The following PTAR1 variants were observed in gnomAD, a reference collection of about 807,000 sequenced individuals.
PTAR1 encodes protein prenyltransferase alpha subunit repeat containing 1, also known as protein prenyltransferase alpha subunit repeat-containing protein 1.
In PTAR1, 17 loss-of-function variants were observed where a neutral mutation model predicts 45.5. The observed-to-expected ratio is 0.37, with a 90% CI of 0.26 to 0.56. The LOEUF (loss-of-function observed/expected upper bound fraction) is 0.56, where lower values mean the gene tolerates loss of function less well. Ranked by LOEUF, PTAR1 falls within the 20% of genes least tolerant of loss-of-function variation. The pLI, the probability that PTAR1 is intolerant of heterozygous loss-of-function variation, is 0.77. For missense variants in PTAR1, 391 were observed against 476.3 expected (o/e 0.82, Z 1.67); for synonymous variants, 169 against 171.3 (o/e 0.99, Z 0.11).
intron 1 of PTAR1, chr9:69,758,847 A>T (rs1255352737): frequency 2.7e-5 from 2 of 74,796 alleles, no homozygotes; most frequent in East Asian, 7.6e-4. Flanking sequence ...ATAATAATAA[A>T]AAATAATAAA....
intron 5 of PTAR1, among the ~76,000 whole-genome samples, chr9:69,731,753 C>T (rs954032186): frequency 6.9e-6 from 1 of 144,340 alleles, no homozygotes; most frequent in Non-Finnish European, 1.6e-5. Context: ...TTTCAGAGGA[C>T]GAGAGTGTGA....
In PTAR1 at chr9:69,712,953, A is replaced by G. The variant is rs1824582234; in HGVS notation, c.*5389T>C. On this transcript the variant is annotated 3_prime_UTR_variant, in exon 8 of 8. Coordinates refer to ENST00000340434, the MANE Select transcript of PTAR1 (RefSeq NM_001099666.2). ...TAATAGTTTATAAAAAATACGATCT[A>G]TACTAAAATTTAAGAGCTAATAATA... is the stretch of plus-strand genomic sequence containing the variant. 6.6e-6 allele frequency: 1 copy of G among 152,110 alleles called. No individual in the cohort carries two copies. The highest frequency in any genetic ancestry group is 1.5e-5 in the Non-Finnish European group (1 of 67,998). 9.4% of individuals were successfully genotyped at this position (152,110 alleles called of 1,614,324 possible). A position where few individuals can be genotyped will look rare whatever the true frequency, so the allele number is the denominator to read the frequency against.
At position 69,713,928 on chromosome 9, in the gene PTAR1, C is replaced by T. The variant is rs984644001; in HGVS notation, c.*4414G>A. ...AATAAATAAAACAATGGGCCACAAT[C>T]AACTGTTTGATAAAACTTCCATCCT... is the stretch of plus-strand genomic sequence containing the variant. On this transcript the variant is annotated 3_prime_UTR_variant, in exon 8 of 8. Coordinates refer to ENST00000340434, the MANE Select transcript of PTAR1 (RefSeq NM_001099666.2). The T allele has an allele frequency of 6.6e-6, 1 of 152,132 alleles. No individual in the cohort carries two copies. Among genetic ancestry groups the T allele is most frequent in the African/African-American group, 2.4e-5 (1 of 41,444 alleles). The allele number at this position is 152,132 out of a possible 1,614,324, so 9.4% of individuals were successfully genotyped here.
At chr9:69,749,554 G>T (rs1826433404) in intron 2 of PTAR1, among the ~76,000 whole-genome samples, 1 of 152,046 alleles carries the variant, frequency 6.6e-6, no homozygotes, top group Non-Finnish European at 1.5e-5. Flanking sequence ...GCTAAACTTA[G>T]GCACAGCCTT....
intron 5 of PTAR1, among the ~76,000 whole-genome samples, chr9:69,728,968 T>C (rs1039066192): frequency 2.0e-5 from 3 of 152,344 alleles, no homozygotes; most frequent in East Asian, 1.9e-4. Flanking sequence ...TGCCAAGCAC[T>C]GTTTCAAACA....
Position 69,716,784 on chromosome 9 carries a change from C to G in PTAR1, c.*1558G>C, listed in dbSNP as rs1190285353. On this transcript the variant is annotated 3_prime_UTR_variant, in exon 8 of 8. Coordinates refer to ENST00000340434, the MANE Select transcript of PTAR1 (RefSeq NM_001099666.2). ...ATTAGGGAAACTTTTAGAAGGGCCACTCTTCATATTTCTGGTATATGAATG... is the reference window on the plus strand; with the variant it reads ...ATTAGGGAAACTTTTAGAAGGGCCAGTCTTCATATTTCTGGTATATGAATG... 6.6e-6 allele frequency: 1 copy of G among 152,106 alleles called. No individual in the cohort carries two copies. Among genetic ancestry groups the G allele is most frequent in the African/African-American group, 2.4e-5 (1 of 41,432 alleles). 9.4% of individuals were successfully genotyped at this position (152,106 alleles called of 1,614,324 possible). A position where few individuals can be genotyped will look rare whatever the true frequency, so the allele number is the denominator to read the frequency against.
chr9:69,741,987 A>G, intron 2 of PTAR1, 129 bp from the exon 3 acceptor site: 1 of 621,374 alleles, frequency 1.6e-6, no homozygotes, highest in Non-Finnish European at 2.9e-6. Context: ...TACTAACTTT[A>G]ATGATAAATT....
In PTAR1 at chr9:69,712,260, A is replaced by T. The variant is rs1224802487; in HGVS notation, c.*6082T>A. 6.6e-6 allele frequency: 1 copy of T among 152,144 alleles called. No homozygotes were observed. The highest frequency in any genetic ancestry group is 2.4e-5 in the African/African-American group (1 of 41,440). 9.4% of individuals were successfully genotyped at this position (152,144 alleles called of 1,614,324 possible). A position where few individuals can be genotyped will look rare whatever the true frequency, so the allele number is the denominator to read the frequency against. Reference sequence around the variant, plus strand: ...GAAAAGCCAGAATGTTATTGTTTGTAAACCACTAAAGACTTAATATGAACA... The same window carrying T: ...GAAAAGCCAGAATGTTATTGTTTGTTAACCACTAAAGACTTAATATGAACA... On this transcript the variant is annotated 3_prime_UTR_variant, in exon 8 of 8. Transcript: ENST00000340434.
Position 69,718,034 on chromosome 9 carries a change from G to A in PTAR1, c.*308C>T. 1 of 238,674 alleles carries A rather than the reference G, an allele frequency of 4.2e-6. No homozygotes were observed. Among genetic ancestry groups the A allele is most frequent in the Non-Finnish European group, 8.1e-6 (1 of 123,250 alleles). 14.8% of individuals were successfully genotyped at this position (238,674 alleles called of 1,614,324 possible). ...ATTGGACTGAGGGGGGTAGAGGTGT[G>A]TGTGTGTGAACCAATCAGGAAAACC... is the stretch of plus-strand genomic sequence containing the variant. On this transcript the variant is annotated 3_prime_UTR_variant, in exon 8 of 8. Transcript: ENST00000340434.
chr9:69,756,305 T>C (rs1254068797), intron 1 of PTAR1, among the ~76,000 whole-genome samples: 1 of 152,222 alleles, frequency 6.6e-6, no homozygotes, highest in African/African-American at 2.4e-5. Flanking sequence ...AAGAACCTCT[T>C]GACCTTATAA....
At chr9:69,743,133 C>T (rs914328482) in intron 2 of PTAR1, among the ~76,000 whole-genome samples, 3 of 152,090 alleles carry the variant, frequency 2.0e-5, no homozygotes, top group African/African-American at 7.2e-5. Flanking sequence ...GCAGTAAGCA[C>T]TTTATTTTAT....
intron 5 of PTAR1, 135 bp from the exon 6 acceptor site, chr9:69,723,765 C>T (rs577676524): frequency 4.4e-6 from 3 of 679,450 alleles, no homozygotes; most frequent in African/African-American, 1.8e-5. Flanking sequence ...TACACAATGT[C>T]TAGCACAGTG....
chr9:69,734,243 A>G lies in PTAR1; in HGVS notation c.335T>C (p.Ile112Thr). 6 of 753,282 alleles carry G rather than the reference A, an allele frequency of 8.0e-6. No homozygotes were observed. The highest frequency in any genetic ancestry group is 1.4e-5 in the Non-Finnish European group (6 of 442,922). The allele number at this position is 753,282 out of a possible 1,614,324, so 46.7% of individuals were successfully genotyped here. A position where few individuals can be genotyped will look rare whatever the true frequency, so the allele number is the denominator to read the frequency against. Residue 112 changes from isoleucine to threonine, a missense_variant, in exon 4 of 8, where the codon ATC becomes ACC. By Grantham distance (89) the Ile-to-Thr change is moderately conservative (BLOSUM62 -1). Around this residue, in one of 5 missense-constraint regions of PTAR1, gnomAD observed 152 missense variants for 160.0 expected, o/e 0.95. Transcript: ENST00000340434. ...AATTGGATTTAAAGTGCCAGAGAGG[A>G]TCAGCTCTTTCCTGTAAAAAAAAAA... ...TTAWNVRKEL[I>T]LSGTLNPIKD...
chr9:69,752,880 T>C (rs1231487604), intron 1 of PTAR1, among the ~76,000 whole-genome samples: 1 of 152,122 alleles, frequency 6.6e-6, no homozygotes, highest in Non-Finnish European at 1.5e-5. Context: ...CCTAGCCATA[T>C]CTAGCTATAC....
intron 2 of PTAR1, among the ~76,000 whole-genome samples, chr9:69,745,484 A>T (rs972108869): frequency 1.3e-5 from 2 of 152,206 alleles, no homozygotes; most frequent in African/African-American, 4.8e-5. Context: ...CTCCATCACA[A>T]GTGAAGACAA....
intron 1 of PTAR1, among the ~76,000 whole-genome samples, chr9:69,752,834 A>G (rs1826591785): frequency 6.6e-6 from 1 of 152,132 alleles, no homozygotes; most frequent in Admixed American, 6.6e-5. Context: ...TCTATTTGGT[A>G]GTATCCTGAA....
At chr9:69,725,526 G>A (rs1461039019) in intron 5 of PTAR1, among the ~76,000 whole-genome samples, 3 of 151,760 alleles carry the variant, frequency 2.0e-5, no homozygotes, top group African/African-American at 7.3e-5. Flanking sequence ...GGAGGTATAG[G>A]TTGCAGTGAG....
chr9:69,741,824 T>G lies in PTAR1; in HGVS notation c.291A>C (p.Leu97=). 6.2e-7 allele frequency: 1 copy of G among 1,601,630 alleles called. No homozygotes were observed. The highest frequency in any genetic ancestry group is 8.5e-7 in the Non-Finnish European group (1 of 1,172,704). Residue 97 remains leucine (L), a synonymous_variant, in exon 3 of 8, where the codon CTA becomes CTC. Transcript: ENST00000340434. ...TCCATGCAGTGGTAAAGTCTGGGTT[T>G]AGAAGCAGCAGGGTACATGTGACAT... ...LIDVTCTLLL[L]NPDFTTAWNV...
At chr9:69,731,444 T>C (rs1289997115) in intron 5 of PTAR1, among the ~76,000 whole-genome samples, 2 of 152,334 alleles carry the variant, frequency 1.3e-5, no homozygotes, top group Non-Finnish European at 1.5e-5. Flanking sequence ...AAGGGACATG[T>C]GGCTCTCATT....
Sources: allele counts gnomAD v4.1 joint callset (sites outside exome capture counted in the v4.1 genomes callset), GRCh38; gene constraint gnomAD v4.1.1; regional missense constraint gnomAD v4.1.1; transcripts MANE v1.5; gene names NCBI Gene and HGNC (gene_info 2026-07-23, HGNC 2026-07-21).